Variants in CDIN1 observed in about 807,000 individuals in gnomAD.
CDIN1 encodes CDAN1 interacting nuclease 1.
In CDIN1, 33 loss-of-function variants were observed where a neutral mutation model predicts 45.3. The observed-to-expected ratio is 0.73, with a 90% CI of 0.55 to 0.97. CDIN1 has a LOEUF of 0.97. Among genes scored for constraint, CDIN1 ranks in the 50% least tolerant of loss-of-function variants. The pLI, the probability that CDIN1 is intolerant of heterozygous loss-of-function variation, is 0.00. For synonymous variants in CDIN1, 118 were observed against 124.4 expected, an observed-to-expected ratio of 0.95 and a Z score of 0.34; for missense variants, 303 against 339.4, an observed-to-expected ratio of 0.89 and a Z score of 0.84.
intron 10 of CDIN1, among the ~76,000 whole-genome samples, chr15:36,715,164 T>G (rs576333917): frequency 1.1e-4 from 17 of 152,300 alleles, no homozygotes; most frequent in African/African-American, 4.1e-4. Flanking sequence ...ATCACATTTA[T>G]GTACCACGGA....
intron 10 of CDIN1, among the ~76,000 whole-genome samples, chr15:36,792,781 C>T (rs1261116273): frequency 2.0e-5 from 3 of 152,068 alleles, no homozygotes; most frequent in South Asian, 2.1e-4. Context: ...CACCCTCAGG[C>T]GAAGGCCTCC....
chr15:36,633,479 A>G (rs907705030), intron 1 of CDIN1, among the ~76,000 whole-genome samples: 5 of 152,178 alleles, frequency 3.3e-5, no homozygotes, highest in Admixed American at 6.5e-5. Flanking sequence ...ATGGTGTTAA[A>G]TGTGAATGTA....
chr15:36,614,010 A>G (rs7163988), intron 1 of CDIN1: 180,198 of 1,343,600 alleles, frequency 0.13, 12,978 homozygotes, highest in African/African-American at 0.27. Context: ...ACTACTCTCA[A>G]AAAGAAGACA....
intron 7 of CDIN1, among the ~76,000 whole-genome samples, chr15:36,694,404 T>C (rs1489352095): frequency 6.6e-6 from 1 of 152,210 alleles, no homozygotes; most frequent in African/African-American, 2.4e-5. Flanking sequence ...TACATCATGA[T>C]GTGAGAAAGA....
chr15:36,613,598 G>A (rs745311612), intron 1 of CDIN1: 97 of 1,466,434 alleles, frequency 6.6e-5, no homozygotes, highest in Non-Finnish European at 8.5e-5. Context: ...GCGGGCCCGG[G>A]AACAGGCTGA....
intron 5 of CDIN1, among the ~76,000 whole-genome samples, chr15:36,664,863 A>G (rs1443273440): frequency 1.3e-5 from 2 of 152,264 alleles, no homozygotes. Context: ...ACATTTATTA[A>G]GAGGGAAATA....
intron 1 of CDIN1, among the ~76,000 whole-genome samples, chr15:36,593,141 A>G (rs1217281778): frequency 6.6e-6 from 1 of 152,210 alleles, no homozygotes; most frequent in Non-Finnish European, 1.5e-5. Context: ...CGGTTATATT[A>G]TTGGAACCAT....
At chr15:36,637,394 T>C (rs2039944955) in intron 1 of CDIN1, among the ~76,000 whole-genome samples, 1 of 152,182 alleles carries the variant, frequency 6.6e-6, no homozygotes, top group African/African-American at 2.4e-5. Context: ...TAAATTGGAC[T>C]TCATCAACTG....
intron 10 of CDIN1, among the ~76,000 whole-genome samples, chr15:36,791,122 C>A (rs1383764632): frequency 6.6e-6 from 1 of 152,158 alleles, no homozygotes; most frequent in Non-Finnish European, 1.5e-5. Context: ...TGAACAAAGG[C>A]AAATGAATCA....
chr15:36,808,187 C>T (rs980320542), intron 10 of CDIN1, 137 bp from the exon 11 acceptor site: 64 of 1,163,626 alleles, frequency 5.5e-5, no homozygotes, highest in Non-Finnish European at 7.3e-5. Flanking sequence ...TGGCTATTTT[C>T]AGTCACAATG....
At chr15:36,585,034 T>C (rs2037231082) in intron 1 of CDIN1, among the ~76,000 whole-genome samples, 1 of 152,224 alleles carries the variant, frequency 6.6e-6, no homozygotes, top group Non-Finnish European at 1.5e-5. Context: ...CTTGTGGACA[T>C]TCTTAGAAGC....
intron 10 of CDIN1, among the ~76,000 whole-genome samples, chr15:36,777,803 G>T (rs1172915926): frequency 6.6e-6 from 1 of 152,116 alleles, no homozygotes; most frequent in Non-Finnish European, 1.5e-5. Flanking sequence ...TAGAGATGGG[G>T]TTCTGCCATG....
chr15:36,585,724 T>G (rs2037265051), intron 1 of CDIN1, among the ~76,000 whole-genome samples: 1 of 152,172 alleles, frequency 6.6e-6, no homozygotes, highest in African/African-American at 2.4e-5. Flanking sequence ...ATTCTGAAGC[T>G]CTTTAATAGC....
At chr15:36,804,673 A>AATTTTTTTTT (rs2055165488) in intron 10 of CDIN1, 1 of 18,912 alleles carries the variant, frequency 5.3e-5, no homozygotes, top group Admixed American at 7.2e-4. Context: ...CCAGAGAATC[A>AATTTTTTTTT]CTTTTTTTTT....
chr15:36,686,870 G>A (rs1183654077), intron 5 of CDIN1, among the ~76,000 whole-genome samples: 1 of 114,612 alleles, frequency 8.7e-6, no homozygotes, highest in African/African-American at 3.4e-5. Context: ...AGGAAAGGGA[G>A]GAAAGATGGA....
chr15:36,598,928 G>T (rs988748670), intron 1 of CDIN1, among the ~76,000 whole-genome samples: 1 of 152,162 alleles, frequency 6.6e-6, no homozygotes, highest in East Asian at 1.9e-4. Context: ...TTAATTGTGA[G>T]ATCCTTTGGA....
intron 10 of CDIN1, among the ~76,000 whole-genome samples, chr15:36,770,485 G>A (rs183030373): frequency 9.9e-4 from 151 of 151,964 alleles, no homozygotes; most frequent in African/African-American, 1.7e-3. Flanking sequence ...GTCTCACTCC[G>A]TCACCTAGGC....
intron 5 of CDIN1, among the ~76,000 whole-genome samples, chr15:36,670,898 C>T (rs995445701): frequency 1.3e-5 from 2 of 151,348 alleles, no homozygotes; most frequent in Non-Finnish European, 2.9e-5. Flanking sequence ...TTTTTATTTA[C>T]ATGAGGAAAA....
At chr15:36,693,017 C>A (rs2042307549) in intron 7 of CDIN1, among the ~76,000 whole-genome samples, 1 of 152,050 alleles carries the variant, frequency 6.6e-6, no homozygotes, top group Non-Finnish European at 1.5e-5. Flanking sequence ...CATGTCCCTC[C>A]TGGTATGGAT....
Sources: allele counts gnomAD v4.1 joint callset (sites outside exome capture counted in the v4.1 genomes callset), GRCh38; gene constraint gnomAD v4.1.1; transcripts MANE v1.5; gene names NCBI Gene and HGNC (gene_info 2026-07-23, HGNC 2026-07-21).